The following CYP3A43 variants were observed in gnomAD, a reference collection of about 807,000 sequenced individuals.
CYP3A43 encodes cytochrome P450 family 3 subfamily A member 43, also known as cytochrome P450 3A43.
A neutral mutation model predicts 58.0 loss-of-function variants in CYP3A43; 45 were observed. That is an observed-to-expected ratio of 0.78 (90% CI 0.61 to 0.99). The LOEUF (loss-of-function observed/expected upper bound fraction) is 0.99. CYP3A43 is among the 50% of genes least tolerant of loss of function. The pLI, the probability that CYP3A43 is intolerant of heterozygous loss-of-function variation, is 0.00. For synonymous variants in CYP3A43, 191 were observed against 201.4 expected (o/e 0.95, Z 0.44); for missense variants, 593 against 591.9 (o/e 1.00, Z -0.02).
Position 99,863,579 on chromosome 7 carries a change from C to CAGATCTATGCTTTACAG in CYP3A43, c.1297_1298insGATCTATGCTTTACAGA (p.Ile433ArgfsTer19). The CAGATCTATGCTTTACAG allele has an allele frequency of 6.2e-7, 1 of 1,613,830 alleles. No individual in the cohort carries two copies. The highest frequency in any genetic ancestry group is 8.5e-7 in the Non-Finnish European group (1 of 1,179,894). ...AGGACAGCATAGATCTTTACAGATACATACCTTTTGGAGCTGGACCCCGAA... is the reference window on the plus strand; with the variant it reads ...AGGACAGCATAGATCTTTACAGATACAGATCTATGCTTTACAGATACCTTTTGGAGCTGGACCCCGAA... On this transcript the variant is annotated frameshift_variant, in exon 12 of 13. Transcript: ENST00000354829. LOFTEE classifies it high-confidence loss of function.
chr7:99,856,753 G>T (rs759385187), intron 8 of CYP3A43, 80 bp from the exon 9 acceptor site: 117 of 1,428,280 alleles, frequency 8.2e-5, no homozygotes, highest in South Asian at 2.2e-4. Flanking sequence ...CTCAGGAGGG[G>T]TGCTTAGGAC....
intron 7 of CYP3A43, among the ~76,000 whole-genome samples, chr7:99,853,406 A>G (rs663495): frequency 0.087 from 13,315 of 152,260 alleles, 1,086 homozygotes; most frequent in African/African-American, 0.21. Flanking sequence ...TTAAGAGAAT[A>G]TCCTTATGCT....
At position 99,832,857 on chromosome 7, in the gene CYP3A43, G is replaced by A. The variant is rs187960210; in HGVS notation, c.72-3596G>A. Among the ~76,000 whole-genome samples the A allele has an allele frequency of 2.6e-3, 399 of 152,252 alleles. 3 individuals are homozygous for A. The highest frequency in any genetic ancestry group is 6.8e-3 in the Middle Eastern group (2 of 294). ...TTCCTGAGGCCTCCCCAGCCATGGAGAACTGTGAGTCAATTAAGCCTCTTT... is the reference window on the plus strand; with the variant it reads ...TTCCTGAGGCCTCCCCAGCCATGGAAAACTGTGAGTCAATTAAGCCTCTTT... On this transcript the variant is annotated intron_variant, in intron 1 of 12. Coordinates refer to ENST00000354829, the MANE Select transcript of CYP3A43 (RefSeq NM_057095.3).
chr7:99,851,994 A>C (rs1471702951), intron 7 of CYP3A43, among the ~76,000 whole-genome samples: 2 of 152,182 alleles, frequency 1.3e-5, no homozygotes, highest in African/African-American at 2.4e-5. Flanking sequence ...CGTGTGACGT[A>C]AGAGCCCAGC....
At chr7:99,861,325 T>C (rs1253951697) in intron 10 of CYP3A43, among the ~76,000 whole-genome samples, 3 of 152,228 alleles carry the variant, frequency 2.0e-5, no homozygotes, top group African/African-American at 7.2e-5. Flanking sequence ...CATCGTCTAT[T>C]AGTCATGTTT....
chr7:99,855,774 CT>C, intron 8 of CYP3A43, 56 bp downstream of exon 8: 2 of 1,526,398 alleles, frequency 1.3e-6, no homozygotes, highest in Non-Finnish European at 1.8e-6. Context: ...TATTTTTGGG[CT>C]GTTTACATAC....
At position 99,842,964 on chromosome 7, in the gene CYP3A43, G is replaced by A. The variant is rs145104106; in HGVS notation, c.219-1179G>A. 7.9e-5 allele frequency among the ~76,000 whole-genome samples: 12 copies of A among 152,168 alleles called. No individual in the cohort carries two copies. The East Asian group carries it at 1.4e-3, about 17-fold the overall frequency. On this transcript the variant is annotated intron_variant, in intron 3 of 12. Transcript: ENST00000354829. ...CAATGTCAATTTCCAGTTTACCTTG[G>A]CAGGCACAGGACAAGGACAAGACCA... is the stretch of plus-strand genomic sequence containing the variant.
At chr7:99,863,333 G>A (rs774969887) in intron 11 of CYP3A43, among the ~76,000 whole-genome samples, 73 of 152,130 alleles carry the variant, frequency 4.8e-4, no homozygotes, top group Non-Finnish European at 9.0e-4. Context: ...ATCAAATATT[G>A]AGGAATCAAA....
At chr7:99,848,030 G>A (rs1395775031) in intron 5 of CYP3A43, 136 bp from the exon 6 acceptor site, 4 of 840,856 alleles carry the variant, frequency 4.8e-6, no homozygotes, top group African/African-American at 3.4e-5. Flanking sequence ...GGGGCAGGGG[G>A]CGGTCTTTTC....
chr7:99,828,667 A>T (rs534465270), intron 1 of CYP3A43, among the ~76,000 whole-genome samples: 1 of 152,288 alleles, frequency 6.6e-6, no homozygotes, highest in Non-Finnish European at 1.5e-5. Context: ...TCTCAAAAAA[A>T]AAAATAAAAC....
intron 1 of CYP3A43, among the ~76,000 whole-genome samples, chr7:99,829,021 G>A (rs1816735192): frequency 6.6e-6 from 1 of 152,116 alleles, no homozygotes; most frequent in Admixed American, 6.6e-5. Context: ...CCCATAACTT[G>A]TGTCAGAAAC....
Position 99,859,918 on chromosome 7 carries a change from G to A in CYP3A43, c.954G>A (p.Met318Ile), listed in dbSNP as rs1183920547. Reference protein sequence around the residue: ...DTTSTTLPFIMYELATHPDVQ... With the variant: ...DTTSTTLPFIIYELATHPDVQ... Reference sequence around the variant, plus strand: ...CTAGCACCACTCTCCCCTTCATTATGTATGAACTGGCCACTCACCCTGATG... The same window carrying A: ...CTAGCACCACTCTCCCCTTCATTATATATGAACTGGCCACTCACCCTGATG... The change falls in exon 10 of 13, where the codon ATG (methionine) becomes ATA (isoleucine). Residue 318 changes from methionine (M) to isoleucine (I), a missense_variant. Transcript: ENST00000354829. 4 of 1,613,912 alleles carry A rather than the reference G, an allele frequency of 2.5e-6. No homozygotes were observed. Among genetic ancestry groups the A allele is most frequent in the Admixed American group, 1.7e-5 (1 of 59,990 alleles).
intron 3 of CYP3A43, among the ~76,000 whole-genome samples, chr7:99,843,502 A>G (rs1186989760): frequency 2.0e-5 from 3 of 151,910 alleles, no homozygotes; most frequent in African/African-American, 4.8e-5. Context: ...GTGTCGCTGT[A>G]TTGCCCAGGC....
chr7:99,863,834 T>G, intron 12 of CYP3A43, 135 bp downstream of exon 12: 1 of 665,796 alleles, frequency 1.5e-6, no homozygotes, highest in Non-Finnish European at 2.2e-6. Context: ...CTATCCATAA[T>G]GCTTAAAGAT....
chr7:99,839,169 G>T lies in CYP3A43; in HGVS notation c.215G>T (p.Trp72Leu). The T allele has an allele frequency of 1.2e-6, 2 of 1,614,144 alleles. No individual in the cohort carries two copies. The highest frequency in any genetic ancestry group is 8.5e-7 in the Non-Finnish European group (1 of 1,180,014). The change falls in exon 3 of 13, where the codon TGG (tryptophan) becomes TTG (leucine). Residue 72 changes from tryptophan (W) to leucine (L), a missense_variant. By Grantham distance (61) the Trp-to-Leu change is moderately conservative. Coordinates refer to ENST00000354829, the MANE Select transcript of CYP3A43 (RefSeq NM_057095.3). ...RECNEKYGEM[W>L]GLYEGQQPML... is the part of the protein sequence containing the mutation. ...TGTAATGAAAAATACGGAGAAATGT[G>T]GGGGTGAGTATTCTGGAAACTTGCA... is the stretch of plus-strand genomic sequence containing the variant.
intron 1 of CYP3A43, among the ~76,000 whole-genome samples, chr7:99,831,679 A>G (rs981092287): frequency 6.6e-6 from 1 of 152,222 alleles, no homozygotes; most frequent in African/African-American, 2.4e-5. Flanking sequence ...GCCTGCCATA[A>G]GGAGCACCAG....
intron 1 of CYP3A43, among the ~76,000 whole-genome samples, chr7:99,833,598 T>C (rs1462479222): frequency 1.3e-5 from 2 of 152,174 alleles, no homozygotes; most frequent in Admixed American, 6.5e-5. Flanking sequence ...TCAGGGGAAG[T>C]TGGGTTTTTT....
chr7:99,829,964 G>A lies in CYP3A43; in HGVS notation c.71+1778G>A, dbSNP rs116648330. ...ATGTACATTTTCTAGGGAAGTTTATGACAGGGGAAAGTTGGGGCTCCAAAA... is the reference window on the plus strand; with the variant it reads ...ATGTACATTTTCTAGGGAAGTTTATAACAGGGGAAAGTTGGGGCTCCAAAA... On this transcript the variant is annotated intron_variant, in intron 1 of 12. Coordinates refer to ENST00000354829, the MANE Select transcript of CYP3A43 (RefSeq NM_057095.3). Among the ~76,000 whole-genome samples, 327 of 152,280 alleles carry A rather than the reference G, an allele frequency of 2.1e-3. 2 individuals carry two copies. Among genetic ancestry groups the A allele is most frequent in the African/African-American group, 7.6e-3 (315 of 41,564 alleles).
rs938611425 is a variant in CYP3A43 at position 99,829,012 on chromosome 7, C to T, written c.71+826C>T. Among the ~76,000 whole-genome samples the T allele has an allele frequency of 2.0e-5, 3 of 152,174 alleles. No homozygotes were observed. The East Asian group carries it at 5.8e-4, about 29-fold the overall frequency. ...TCATGTGTTTTCTCCCTTCACCTTC[C>T]CATAACTTGTGTCAGAAACTCCCTA... On this transcript the variant is annotated intron_variant, in intron 1 of 12. Coordinates refer to ENST00000354829, the MANE Select transcript of CYP3A43 (RefSeq NM_057095.3).
Sources: allele counts gnomAD v4.1 joint callset (sites outside exome capture counted in the v4.1 genomes callset), GRCh38; gene constraint gnomAD v4.1.1; transcripts MANE v1.5; gene names NCBI Gene and HGNC (gene_info 2026-07-23, HGNC 2026-07-21).